AGMO: variants seen among roughly 807,000 people sequenced by gnomAD.
AGMO encodes the protein alkylglycerol monooxygenase.
In AGMO, 75 loss-of-function variants were observed where a neutral mutation model predicts 60.2. The observed-to-expected ratio is 1.25, with a 90% CI of 1.03 to 1.51. AGMO has a LOEUF of 1.51. Ranked by LOEUF, AGMO falls within the 40% of genes most tolerant of loss-of-function variation. AGMO has a pLI of 0.00. For missense variants in AGMO, 763 were observed against 525.5 expected (o/e 1.45, Z -4.42); for synonymous variants, 261 against 177.1 (o/e 1.47, Z -3.76).
intron 3 of AGMO, among the ~76,000 whole-genome samples, chr7:15,486,705 T>A (rs901203477): frequency 1.3e-5 from 2 of 152,212 alleles, no homozygotes; most frequent in South Asian, 2.1e-4. Flanking sequence ...AATAACAATG[T>A]TCGCTTTAGA....
chr7:15,119,362 T>A, the AGMO span, among the ~76,000 whole-genome samples: 6 of 152,116 alleles, frequency 3.9e-5, no homozygotes, highest in Non-Finnish European at 8.8e-5. Flanking sequence ...CTTTTCTTTA[T>A]AAATTACCCA....
At chr7:15,429,657 G>C (rs1030590632) in intron 4 of AGMO, among the ~76,000 whole-genome samples, 1 of 152,004 alleles carries the variant, frequency 6.6e-6, no homozygotes, top group Non-Finnish European at 1.5e-5. Context: ...GTGGGAGTTT[G>C]AGGGTGAATT....
chr7:15,337,584 TGTA>T (rs1563094688), intron 12 of AGMO, among the ~76,000 whole-genome samples: 1 of 152,086 alleles, frequency 6.6e-6, no homozygotes, highest in African/African-American at 2.4e-5. Context: ...ACAACACATA[TGTA>T]GAGAAGAGGT....
At chr7:15,420,778 G>A (rs957790464) in intron 4 of AGMO, among the ~76,000 whole-genome samples, 2 of 152,118 alleles carry the variant, frequency 1.3e-5, no homozygotes, top group Admixed American at 6.6e-5. Flanking sequence ...CTTGGTAGCT[G>A]GATTAGGCAC....
At chr7:15,235,568 T>C (rs934688185) in intron 12 of AGMO, among the ~76,000 whole-genome samples, 16 of 152,158 alleles carry the variant, frequency 1.1e-4, no homozygotes, top group African/African-American at 3.9e-4. Flanking sequence ...TTCTTGTTTG[T>C]ATAGTTATGA....
At chr7:15,325,129 A>G (rs948977699) in intron 12 of AGMO, among the ~76,000 whole-genome samples, 17 of 152,188 alleles carry the variant, frequency 1.1e-4, no homozygotes, top group African/African-American at 3.6e-4. Context: ...TTTGTTTATT[A>G]TACCTGATTT....
intron 3 of AGMO, among the ~76,000 whole-genome samples, chr7:15,532,948 G>A (rs1784405634): frequency 6.6e-6 from 1 of 152,112 alleles, no homozygotes; most frequent in Non-Finnish European, 1.5e-5. Context: ...CCGAGATCAT[G>A]CCACTGCACT....
chr7:15,527,306 A>G (rs1285745532), intron 3 of AGMO, among the ~76,000 whole-genome samples: 1 of 152,204 alleles, frequency 6.6e-6, no homozygotes, highest in Non-Finnish European at 1.5e-5. Context: ...TATGAATGAT[A>G]AGAAAGCAAA....
rs552837786 is a variant in AGMO, at chr7:15,319,632, C to G, written c.1263+45882G>C. Among the ~76,000 whole-genome samples the G allele has an allele frequency of 1.3e-4, 20 of 152,128 alleles. No homozygotes were observed. The East Asian group carries it at 1.7e-3, about 13-fold the overall frequency. Reference sequence around the variant, plus strand: ...AAGTGACGTTTTCCGAAGACTCAAACTTATTTCCATGAATTAAACTTTAAA... The same window carrying G: ...AAGTGACGTTTTCCGAAGACTCAAAGTTATTTCCATGAATTAAACTTTAAA... On this transcript the variant is annotated intron_variant, in intron 12 of 12. Coordinates refer to ENST00000342526, the MANE Select transcript of AGMO (RefSeq NM_001004320.2).
chr7:15,495,266 C>G (rs1783191060), intron 3 of AGMO, among the ~76,000 whole-genome samples: 1 of 152,152 alleles, frequency 6.6e-6, no homozygotes. Context: ...TAAGATTTCC[C>G]CTTCTCTTCT....
At chr7:15,305,622 ATATATT>A (rs879379995) in intron 12 of AGMO, among the ~76,000 whole-genome samples, 2 of 152,008 alleles carry the variant, frequency 1.3e-5, no homozygotes, top group Non-Finnish European at 2.9e-5. Flanking sequence ...ATTCCTATAT[ATATATT>A]TATATGATTT....
the AGMO span, among the ~76,000 whole-genome samples, chr7:15,133,422 T>C: frequency 1.3e-5 from 2 of 152,106 alleles, no homozygotes; most frequent in South Asian, 4.1e-4. Flanking sequence ...GAGTAGTTAT[T>C]GTACGGATCA....
intron 12 of AGMO, among the ~76,000 whole-genome samples, chr7:15,240,687 A>G (rs1041024444): frequency 1.3e-5 from 2 of 152,148 alleles, no homozygotes; most frequent in African/African-American, 4.8e-5. Context: ...AAATACAGAT[A>G]CTGCCTGTTT....
chr7:15,270,027 T>C (rs1414512745), intron 12 of AGMO, among the ~76,000 whole-genome samples: 1 of 152,134 alleles, frequency 6.6e-6, no homozygotes, highest in Admixed American at 6.6e-5. Context: ...GGCATCTTAG[T>C]TAATTCTATG....
chr7:15,318,776 T>G (rs940675289), intron 12 of AGMO, among the ~76,000 whole-genome samples: 6 of 152,194 alleles, frequency 3.9e-5, no homozygotes. Flanking sequence ...TCTTTGTTTT[T>G]ATCAATCCTC....
At chr7:15,408,272 G>A (rs1784756802) in intron 5 of AGMO, among the ~76,000 whole-genome samples, 1 of 151,784 alleles carries the variant, frequency 6.6e-6, no homozygotes, top group African/African-American at 2.4e-5. Context: ...TTATCTTGGG[G>A]ACAAGGGAAA....
At chr7:15,418,251 C>A (rs1780828649) in intron 5 of AGMO, among the ~76,000 whole-genome samples, 1 of 151,786 alleles carries the variant, frequency 6.6e-6, no homozygotes, top group African/African-American at 2.4e-5. Context: ...ATTTCAACAT[C>A]TCTTGGTAAA....
chr7:15,169,441 C>A, the AGMO span, among the ~76,000 whole-genome samples: 15 of 151,488 alleles, frequency 9.9e-5, no homozygotes, highest in African/African-American at 3.6e-4. Flanking sequence ...TTTTTTCTTT[C>A]TTTCTTTTTT....
intron 12 of AGMO, among the ~76,000 whole-genome samples, chr7:15,281,502 T>C (rs541678081): frequency 2.0e-4 from 31 of 152,248 alleles, no homozygotes; most frequent in African/African-American, 7.2e-4. Context: ...GCCTCTCTGA[T>C]GAATAGCCAG....
Sources: gnomAD v4.1 joint callset for allele counts (sites outside exome capture counted in the v4.1 genomes callset) on GRCh38, gnomAD v4.1.1 for gene constraint, MANE v1.5 for transcripts, NCBI Gene and HGNC (gene_info 2026-07-23, HGNC 2026-07-21) for gene names.